The following PXDNL variants were observed in gnomAD, a reference collection of about 807,000 sequenced individuals.
PXDNL encodes the protein peroxidasin like, also known as probable oxidoreductase PXDNL.
Under a neutral mutation model 150.8 loss-of-function variants are expected in PXDNL, and 145 were observed. The ratio of observed to expected loss-of-function variants is 0.96; its 90% CI spans 0.84 to 1.10. The LOEUF is 1.10. PXDNL is among the 50% of genes least tolerant of loss of function. The pLI is 0.00. For missense variants in PXDNL, 2,087 were observed against 1,873.9 expected, an observed-to-expected ratio of 1.11 and a Z score of -2.10; for synonymous variants, 757 against 725.7, an observed-to-expected ratio of 1.04 and a Z score of -0.69.
chr8:51,588,371 C>T (rs1813372444), intron 3 of PXDNL, among the ~76,000 whole-genome samples: 1 of 152,074 alleles, frequency 6.6e-6, no homozygotes, highest in Non-Finnish European at 1.5e-5. Flanking sequence ...ATGTGTTCAC[C>T]ATGTACTGCT....
Position 51,408,935 on chromosome 8 carries a change from A to C in PXDNL, c.2689T>G (p.Ser897Ala), listed in dbSNP as rs1196886031. Residue 897 changes from serine to alanine, a missense_variant, in exon 17 of 23, where the codon TCC becomes GCC. By Grantham distance (99) the Ser-to-Ala change is moderately conservative. Transcript: ENST00000356297. ...INQQTAYIDGSNVYGSSERES... is the reference protein window; with the variant it reads ...INQQTAYIDGANVYGSSERES... Reference sequence around the variant, plus strand: ...CGCTCCGAGCTCCCGTAAACGTTGGAGCCATCGATGTAGGCTGTTTGCTGG... The same window carrying C: ...CGCTCCGAGCTCCCGTAAACGTTGGCGCCATCGATGTAGGCTGTTTGCTGG... 1 of 1,612,670 alleles carries C rather than the reference A, an allele frequency of 6.2e-7. No homozygotes were observed. The highest frequency in any genetic ancestry group is 8.5e-7 in the Non-Finnish European group (1 of 1,179,718).
intron 1 of PXDNL, among the ~76,000 whole-genome samples, chr8:51,664,231 T>A (rs1056963408): frequency 6.6e-6 from 1 of 152,172 alleles, no homozygotes; most frequent in Non-Finnish European, 1.5e-5. Flanking sequence ...TACCATGTTA[T>A]ATAAAGTAAT....
intron 3 of PXDNL, among the ~76,000 whole-genome samples, chr8:51,587,312 T>C (rs1813346214): frequency 6.6e-6 from 1 of 152,190 alleles, no homozygotes; most frequent in African/African-American, 2.4e-5. Flanking sequence ...CTCTTAGATC[T>C]TCAAGAAATC....
At chr8:51,739,806 G>T (rs955474909) in intron 1 of PXDNL, among the ~76,000 whole-genome samples, 6 of 151,296 alleles carry the variant, frequency 4.0e-5, no homozygotes, top group Non-Finnish European at 8.8e-5. Flanking sequence ...AACCCAGGAG[G>T]TGGAGCTTGC....
intron 10 of PXDNL, among the ~76,000 whole-genome samples, chr8:51,450,336 T>G (rs1011203395): frequency 4.6e-5 from 7 of 152,136 alleles, no homozygotes; most frequent in Admixed American, 1.3e-4. Flanking sequence ...CAACCTCCTA[T>G]CTCATCCTGT....
In PXDNL at chr8:51,408,361, G is replaced by C. The variant is rs750386407; in HGVS notation, c.3263C>G (p.Pro1088Arg). 3 of 1,614,026 alleles carry C rather than the reference G, an allele frequency of 1.9e-6. No individual in the cohort carries two copies. The highest frequency in any genetic ancestry group is 2.5e-6 in the Non-Finnish European group (3 of 1,179,900). Residue 1088 changes from proline (P) to arginine (R), a missense_variant, in exon 17 of 23, where the codon CCG becomes CGG. By Grantham distance (103) the Pro-to-Arg change is moderately radical. Coordinates refer to ENST00000356297, the MANE Select transcript of PXDNL (RefSeq NM_144651.5). ...HLPFHKALFS[P>R]SRIIKEGGID... ...CCCACCTTCCTTGATTATTCTGGAC[G>C]GTGAAAAGAGCGCTTTATGGAACGG...
chr8:51,376,555 A>G (rs1034124064), intron 17 of PXDNL, among the ~76,000 whole-genome samples: 31 of 152,156 alleles, frequency 2.0e-4, no homozygotes, highest in African/African-American at 6.0e-4. Flanking sequence ...CTTTATTTGA[A>G]ATACATCTCT....
intron 20 of PXDNL, chr8:51,340,308 A>G (rs1379100743): frequency 6.6e-6 from 1 of 152,204 alleles, no homozygotes; most frequent in African/African-American, 2.4e-5. Context: ...TGAATTTAAG[A>G]TATGTTTCTT....
chr8:51,546,123 C>T (rs1489288096), intron 4 of PXDNL, among the ~76,000 whole-genome samples: 2 of 152,130 alleles, frequency 1.3e-5, no homozygotes, highest in African/African-American at 2.4e-5. Flanking sequence ...ATTCACAGAC[C>T]CTTTATAGCA....
chr8:51,427,408 C>G (rs139172002), intron 12 of PXDNL, among the ~76,000 whole-genome samples: 2 of 151,890 alleles, frequency 1.3e-5, no homozygotes, highest in East Asian at 3.9e-4. Context: ...AAGGCTCACC[C>G]TAATATCAAA....
At chr8:51,338,966 C>T (rs1013939126) in intron 21 of PXDNL, among the ~76,000 whole-genome samples, 2 of 152,164 alleles carry the variant, frequency 1.3e-5, no homozygotes, top group African/African-American at 2.4e-5. Context: ...AAATTATCTC[C>T]ATCTGTGGAG....
rs75168301 is a variant in PXDNL at position 51,499,702 on chromosome 8, C to T, written c.449G>A (p.Arg150Gln). The T allele has an allele frequency of 2.8e-5, 45 of 1,609,488 alleles. No individual in the cohort carries two copies. The highest frequency in any genetic ancestry group is 2.0e-4 in the South Asian group (18 of 90,946). The part of the protein sequence containing the change: ...ETFGDLLRLE[R>Q]LFLHNNKLSK... ...CATCTAAAGGGTCAACACTTACAGT[C>T]GCTCTAATCTCAGAAGGTCTCCAAA... Residue 150 changes from arginine to glutamine, a missense_variant, in exon 5 of 23, where the codon CGA (arginine) becomes CAA (glutamine). By Grantham distance (43) the Arg-to-Gln change is conservative (BLOSUM62 1). Transcript: ENST00000356297.
Position 51,590,201 on chromosome 8 carries a change from A to G in PXDNL, c.308+2426T>C, listed in dbSNP as rs899735333. 4.6e-5 allele frequency among the ~76,000 whole-genome samples: 7 copies of G among 152,052 alleles called. No individual in the cohort carries two copies. In the East Asian group the frequency reaches 1.2e-3, roughly 25 times the overall value. On this transcript the variant is annotated intron_variant, in intron 3 of 22. Transcript: ENST00000356297. ...AGCCTTGACAGTGTCCACATGGTAT[A>G]AGTCTCCAGGCTCACAGAATACAAG...
At chr8:51,477,736 G>A (rs1197109939) in intron 6 of PXDNL, among the ~76,000 whole-genome samples, 1 of 152,150 alleles carries the variant, frequency 6.6e-6, no homozygotes, top group Non-Finnish European at 1.5e-5. Context: ...AGCATCCCGA[G>A]CATGGCAGCC....
chr8:51,486,767 TATATA>T (rs1810750769), intron 5 of PXDNL, among the ~76,000 whole-genome samples: 1 of 9,314 alleles, frequency 1.1e-4, no homozygotes, highest in African/African-American at 2.5e-4. Context: ...TATATATATA[TATATA>T]TATATATATA....
chr8:51,401,203 GTCAA>G (rs1808239669), intron 17 of PXDNL, among the ~76,000 whole-genome samples: 1 of 152,192 alleles, frequency 6.6e-6, no homozygotes, highest in East Asian at 1.9e-4. Context: ...GGCATTTAGA[GTCAA>G]ACAACAGGAC....
intron 4 of PXDNL, among the ~76,000 whole-genome samples, chr8:51,501,502 G>A (rs971783517): frequency 1.3e-5 from 2 of 151,002 alleles, no homozygotes; most frequent in East Asian, 1.9e-4. Context: ...ACGGACACTC[G>A]TGCACACTCA....
chr8:51,512,293 T>A (rs1436932978), intron 4 of PXDNL, among the ~76,000 whole-genome samples: 1 of 152,154 alleles, frequency 6.6e-6, no homozygotes, highest in African/African-American at 2.4e-5. Context: ...CCTCCTGAGA[T>A]GTGAGGACAG....
rs569353692 is a variant in PXDNL at position 51,707,683 on chromosome 8, C to T, written c.165-52923G>A. On this transcript the variant is annotated intron_variant, in intron 1 of 22. Coordinates refer to ENST00000356297, the MANE Select transcript of PXDNL (RefSeq NM_144651.5). ...CTGAGCAACAAATCCCCATTTCCTC[C>T]TCCCCACAACCCCTGGCAACCACCA... Among the ~76,000 whole-genome samples, 211 of 152,274 alleles carry T rather than the reference C, an allele frequency of 1.4e-3. 1 individual carries two copies. Among genetic ancestry groups the T allele is most frequent in the African/African-American group, 4.9e-3 (203 of 41,566 alleles).
Sources: gnomAD v4.1 joint callset for allele counts (sites outside exome capture counted in the v4.1 genomes callset) on GRCh38, gnomAD v4.1.1 for gene constraint, MANE v1.5 for transcripts, NCBI Gene and HGNC (gene_info 2026-07-23, HGNC 2026-07-21) for gene names.